The following SOBP variants were observed in gnomAD, a reference collection of about 807,000 sequenced individuals.
SOBP encodes sine oculis binding protein homolog, also known as sine oculis-binding protein homolog.
Under a neutral mutation model 53.6 loss-of-function variants are expected in SOBP, and 4 were observed. That is an observed-to-expected ratio of 0.07 (90% CI 0.04 to 0.17). The LOEUF is 0.17. Among genes scored for constraint, SOBP ranks in the 10% least tolerant of loss-of-function variants. The probability of loss-of-function intolerance (pLI) is 1.00; values close to 1 mark genes in which losing one functional copy is unlikely to be tolerated. For missense variants in SOBP, 1,088 were observed against 1,204.7 expected (o/e 0.90, Z 1.43); for synonymous variants, 584 against 522.6 (o/e 1.12, Z -1.60).
intron 3 of SOBP, chr6:107,529,530 A>G: frequency 2.0e-6 from 2 of 985,424 alleles, no homozygotes; most frequent in African/African-American, 3.5e-5. Context: ...CTCCCATGAA[A>G]GTTACAAAGG....
intron 4 of SOBP, among the ~76,000 whole-genome samples, chr6:107,577,799 C>T (rs544147347): frequency 1.3e-5 from 2 of 152,080 alleles, no homozygotes; most frequent in Non-Finnish European, 2.9e-5. Flanking sequence ...TTTTGCCGGG[C>T]GTGGTTGCTC....
intron 4 of SOBP, chr6:107,557,832 T>C (rs1420273869): frequency 6.6e-6 from 1 of 152,214 alleles, no homozygotes; most frequent in African/African-American, 2.4e-5. Context: ...TTTGTGATTT[T>C]TTAGGTTTAT....
chr6:107,532,609 G>C (rs1174071979), intron 3 of SOBP, among the ~76,000 whole-genome samples: 1 of 152,138 alleles, frequency 6.6e-6, no homozygotes, highest in Non-Finnish European at 1.5e-5. Flanking sequence ...CAAAGGAAAA[G>C]AAATACAATT....
chr6:107,622,751 A>T (rs570451385), intron 5 of SOBP, among the ~76,000 whole-genome samples: 4 of 152,320 alleles, frequency 2.6e-5, no homozygotes, highest in African/African-American at 7.2e-5. Flanking sequence ...CTTGAGGGGG[A>T]AATGCAAGAC....
At chr6:107,646,400 C>T (rs1268514787) in intron 6 of SOBP, among the ~76,000 whole-genome samples, 1 of 152,170 alleles carries the variant, frequency 6.6e-6, no homozygotes, top group African/African-American at 2.4e-5. Flanking sequence ...AAACAGAGGC[C>T]CCACCCTTCT....
chr6:107,562,228 A>G (rs910962169), intron 4 of SOBP, among the ~76,000 whole-genome samples: 1 of 152,070 alleles, frequency 6.6e-6, no homozygotes. Flanking sequence ...CATGTTGGCC[A>G]GGCTGGTCTT....
At chr6:107,539,188 T>C (rs776109701) in intron 4 of SOBP, among the ~76,000 whole-genome samples, 6 of 152,200 alleles carry the variant, frequency 3.9e-5, no homozygotes, top group Non-Finnish European at 8.8e-5. Context: ...TTCTAGTTTT[T>C]AATGAGCCAC....
At chr6:107,515,854 A>C (rs1439366377) in intron 3 of SOBP, among the ~76,000 whole-genome samples, 1 of 152,244 alleles carries the variant, frequency 6.6e-6, no homozygotes, top group Non-Finnish European at 1.5e-5. Flanking sequence ...AAATGGTAAT[A>C]CATCATGACT....
intron 5 of SOBP, among the ~76,000 whole-genome samples, chr6:107,631,517 A>G (rs572575285): frequency 2.3e-4 from 35 of 152,324 alleles, no homozygotes; most frequent in African/African-American, 8.2e-4. Flanking sequence ...CTTTATCTAG[A>G]TGAAAAATTT....
Position 107,656,276 on chromosome 6 carries a change from GAGAA to G in SOBP, c.*4-1921_*4-1918del, listed in dbSNP as rs1309440547. Among the ~76,000 whole-genome samples, 423 of 138,986 alleles carry G rather than the reference GAGAA, an allele frequency of 3.0e-3. 3 individuals are homozygous for G. The highest frequency in any genetic ancestry group is 4.5e-3 in the Admixed American group (60 of 13,438). 91.2% of individuals were successfully genotyped at this position (138,986 alleles called of 152,430 possible). A position where few individuals can be genotyped will look rare whatever the true frequency, so the allele number is the denominator to read the frequency against. On this transcript the variant is annotated intron_variant, in intron 6 of 6. Transcript: ENST00000317357. ...CCTCTCTCCATTGTCACTTATTCTT[GAGAA>G]AGAAAGAAAAGAAAGAAAGAAAGAA...
chr6:107,574,194 G>T (rs1372453989), intron 4 of SOBP, among the ~76,000 whole-genome samples: 1 of 152,120 alleles, frequency 6.6e-6, no homozygotes, highest in South Asian at 2.1e-4. Context: ...TTAAGACAAA[G>T]AAATGACTGA....
At chr6:107,596,961 A>G (rs768010435) in intron 5 of SOBP, among the ~76,000 whole-genome samples, 3 of 152,238 alleles carry the variant, frequency 2.0e-5, no homozygotes, top group Admixed American at 6.5e-5. Context: ...CATAGAAGTT[A>G]TGCCTCAGAC....
intron 6 of SOBP, among the ~76,000 whole-genome samples, chr6:107,644,471 A>G (rs1310297986): frequency 6.6e-6 from 1 of 152,236 alleles, no homozygotes; most frequent in Admixed American, 6.5e-5. Flanking sequence ...AAGCTAAGAC[A>G]TAGGATCCTG....
At chr6:107,599,506 T>C (rs1044528728) in intron 5 of SOBP, among the ~76,000 whole-genome samples, 8 of 152,132 alleles carry the variant, frequency 5.3e-5, no homozygotes, top group African/African-American at 1.9e-4. Context: ...ATTTATCCAA[T>C]TATAATCCTA....
chr6:107,656,319 GAAAGAAAGAAAGAAAGAAAGAA>G (rs1772046698), intron 6 of SOBP, among the ~76,000 whole-genome samples: 1 of 12,424 alleles, frequency 8.0e-5, no homozygotes, highest in Admixed American at 8.7e-4. Flanking sequence ...AAGAAAGAAA[GAAAGAAAGAAAGAAAGAAAGAA>G]AGAGAAAGAA....
intron 4 of SOBP, among the ~76,000 whole-genome samples, chr6:107,580,119 A>G (rs933771370): frequency 2.0e-5 from 3 of 152,226 alleles, no homozygotes; most frequent in Admixed American, 6.5e-5. Flanking sequence ...TTAGGCAGAC[A>G]TTAGTAGTAA....
At chr6:107,509,180 A>C (rs1157393094) in intron 3 of SOBP, among the ~76,000 whole-genome samples, 1 of 152,158 alleles carries the variant, frequency 6.6e-6, no homozygotes, top group Admixed American at 6.5e-5. Flanking sequence ...GGATCACCTG[A>C]GGTCGGGAGT....
intron 5 of SOBP, among the ~76,000 whole-genome samples, chr6:107,596,595 A>G (rs974481763): frequency 6.6e-6 from 1 of 152,248 alleles, no homozygotes; most frequent in Non-Finnish European, 1.5e-5. Flanking sequence ...CAATTAAGAC[A>G]TACCCCAGAT....
intron 3 of SOBP, among the ~76,000 whole-genome samples, chr6:107,526,304 A>C (rs1258551822): frequency 6.6e-6 from 1 of 152,148 alleles, no homozygotes; most frequent in African/African-American, 2.4e-5. Flanking sequence ...TGTGGAATAG[A>C]GACGAGCTGA....
Sources: allele counts gnomAD v4.1 joint callset (sites outside exome capture counted in the v4.1 genomes callset), GRCh38; gene constraint gnomAD v4.1.1; transcripts MANE v1.5; gene names NCBI Gene and HGNC (gene_info 2026-07-23, HGNC 2026-07-21).